The following NSD1 variants were observed in gnomAD, a reference collection of about 807,000 sequenced individuals.
The protein encoded by NSD1 is histone-lysine N-methyltransferase, H3 lysine-36 specific.
NSD1 carries 26 observed loss-of-function variants against 242.7 expected under a neutral mutation model. The ratio of observed to expected loss-of-function variants is 0.11; its 90% CI spans 0.08 to 0.15. The LOEUF is 0.15. Ranked by LOEUF, NSD1 falls within the 10% of genes least tolerant of loss-of-function variation. NSD1 has a pLI of 1.00. For missense variants in NSD1, 2,495 were observed against 3,272.8 expected, an observed-to-expected ratio of 0.76 and a Z score of 5.80; for synonymous variants, 1,106 against 1,178.1, an observed-to-expected ratio of 0.94 and a Z score of 1.25.
At chr5:177,144,956 G>A (rs1184086481) in intron 2 of NSD1, among the ~76,000 whole-genome samples, 3 of 151,730 alleles carry the variant, frequency 2.0e-5, no homozygotes, top group Non-Finnish European at 2.9e-5. Flanking sequence ...GTGGTGGCAC[G>A]TGCCTGTAGT....
chr5:177,259,560 G>A lies in NSD1; in HGVS notation c.4967-429G>A, dbSNP rs541284178. ...CATTAGAGGGTTTGGTGGTGGTTTCGTGATGGTTTATAATAGATGAAGTAT... is the reference window on the plus strand; with the variant it reads ...CATTAGAGGGTTTGGTGGTGGTTTCATGATGGTTTATAATAGATGAAGTAT... On this transcript the variant is annotated intron_variant, in intron 13 of 22. Coordinates refer to ENST00000439151, the MANE Select transcript of NSD1 (RefSeq NM_022455.5). 1.1e-4 allele frequency among the ~76,000 whole-genome samples: 16 copies of A among 152,298 alleles called. No homozygotes were observed. In the South Asian group the frequency reaches 2.3e-3, roughly 22 times the overall value.
chr5:177,294,428 C>A lies in NSD1; in HGVS notation c.7060C>A (p.Leu2354Met). ...SVRSQPLERP[L>M]GTADPRLDKS... Reference sequence around the variant, plus strand: ...CAGGTCCCAACCACTGGAAAGACCTCTGGGGACGGCTGACCCAAGGCTGGA... The same window carrying A: ...CAGGTCCCAACCACTGGAAAGACCTATGGGGACGGCTGACCCAAGGCTGGA... The change falls in exon 23 of 23, where the codon CTG (leucine) becomes ATG (methionine). Residue 2354 changes from leucine (L) to methionine (M), a missense_variant. Physicochemically the swap from Leu to Met is conservative, Grantham distance 15. Transcript: ENST00000439151. 1 of 1,614,196 alleles carries A rather than the reference C, an allele frequency of 6.2e-7. No individual in the cohort carries two copies. Among genetic ancestry groups the A allele is most frequent in the South Asian group, 1.1e-5 (1 of 91,076 alleles).
intron 2 of NSD1, among the ~76,000 whole-genome samples, chr5:177,141,829 T>G (rs1316813140): frequency 6.6e-6 from 1 of 152,118 alleles, no homozygotes; most frequent in Non-Finnish European, 1.5e-5. Flanking sequence ...AATGTAATAT[T>G]ATTTCCTTTT....
chr5:177,248,217 A>C lies in NSD1; in HGVS notation c.4534A>C (p.Lys1512Gln). Reference protein sequence around the residue: ...LMPHRTATSPKETVEEGVEHD... With the variant: ...LMPHRTATSPQETVEEGVEHD... ...GCCTCACAGGACGGCCACAAGCCCC[A>C]AGGAGACTGTTGAGGAAGGTGTAGA... is the stretch of plus-strand genomic sequence containing the variant. Residue 1512 changes from lysine to glutamine, a missense_variant, in exon 11 of 23, where the codon AAG becomes CAG. By Grantham distance (53) the Lys-to-Gln change is moderately conservative. Transcript: ENST00000439151. The C allele has an allele frequency of 6.2e-7, 1 of 1,614,158 alleles. No individual in the cohort carries two copies. The highest frequency in any genetic ancestry group is 8.5e-7 in the Non-Finnish European group (1 of 1,180,028).
chr5:177,268,106 T>C (rs995549489), intron 15 of NSD1, among the ~76,000 whole-genome samples: 6 of 151,730 alleles, frequency 4.0e-5, no homozygotes, highest in African/African-American at 1.5e-4. Flanking sequence ...TACTCTGTTA[T>C]GTGTCTTGGG....
In NSD1 at chr5:177,212,211, T is replaced by A. The variant is rs746816707; in HGVS notation, c.3796+16T>A. 2 of 1,602,852 alleles carry A rather than the reference T, an allele frequency of 1.2e-6. No individual in the cohort carries two copies. The highest frequency in any genetic ancestry group is 1.1e-5 in the South Asian group (1 of 90,004). ...CCTGAACCAGGTAAGGACATCTAAA[T>A]GTGATAAAAAAAAAAAAATTGGAGA... is the stretch of plus-strand genomic sequence containing the variant. On this transcript the variant is annotated intron_variant, in intron 5 of 22. Transcript: ENST00000439151.
At chr5:177,173,551 G>A (rs550520337) in intron 2 of NSD1, among the ~76,000 whole-genome samples, 65 of 124,846 alleles carry the variant, frequency 5.2e-4, no homozygotes, top group African/African-American at 1.9e-3. Flanking sequence ...TCGGCTCACC[G>A]CAACCTCTGC....
chr5:177,223,427 G>A (rs1764395021), intron 5 of NSD1, among the ~76,000 whole-genome samples: 1 of 151,946 alleles, frequency 6.6e-6, no homozygotes, highest in Non-Finnish European at 1.5e-5. Flanking sequence ...ACAAAAATTA[G>A]CCGGATGTGG....
At chr5:177,244,039 T>C (rs182494059) in intron 8 of NSD1, among the ~76,000 whole-genome samples, 156 bp from the exon 9 acceptor site, 9 of 152,300 alleles carry the variant, frequency 5.9e-5, no homozygotes, top group African/African-American at 2.2e-4. Context: ...GAAGTTTCCG[T>C]TCAACCCTTT....
At chr5:177,277,026 G>A (rs1758447824) in intron 17 of NSD1, among the ~76,000 whole-genome samples, 1 of 152,122 alleles carries the variant, frequency 6.6e-6, no homozygotes, top group Non-Finnish European at 1.5e-5. Context: ...TAACAGCAAG[G>A]TAGGCATTTT....
intron 2 of NSD1, among the ~76,000 whole-genome samples, chr5:177,191,210 T>G (rs996960983): frequency 1.3e-5 from 2 of 151,816 alleles, no homozygotes; most frequent in African/African-American, 4.8e-5. Flanking sequence ...CCTCAGGTGA[T>G]CCACCTGCCT....
rs1303055463 is a variant in NSD1 at position 177,295,736 on chromosome 5, GAAATA to G, written c.*281_*285del. 1 of 539,092 alleles carries G rather than the reference GAAATA, an allele frequency of 1.9e-6. No homozygotes were observed. Among genetic ancestry groups the G allele is most frequent in the Non-Finnish European group, 3.3e-6 (1 of 299,624 alleles). The allele number at this position is 539,092 out of a possible 1,614,324, so 33.4% of individuals were successfully genotyped here. ...CCCAACTTTTCCACATGGTCATCGT[GAAATA>G]AAAAGTCCACTCTGGAGTCAAGTAT... On this transcript the variant is annotated 3_prime_UTR_variant, in exon 23 of 23. Transcript: ENST00000439151. The surrounding 1 kb of genome is among the most constrained non-coding windows in gnomAD (Gnocchi z 4.3).
intron 14 of NSD1, chr5:177,266,193 G>A: frequency 9.7e-7 from 1 of 1,031,536 alleles, no homozygotes; most frequent in Non-Finnish European, 1.5e-6. Context: ...AGAAGAGGCA[G>A]TTAGCCCATC....
Position 177,181,312 on chromosome 5 carries a change from G to A in NSD1, c.928-10572G>A, listed in dbSNP as rs1279880591. The stretch of plus-strand genomic sequence containing the variant: ...CAGAAAACACCCAAAAAGAGAGAAA[G>A]AAGCTCTACTGTGCATAAAATACTA... On this transcript the variant is annotated intron_variant, in intron 2 of 22. Transcript: ENST00000439151. Among the ~76,000 whole-genome samples, 5 of 151,650 alleles carry A rather than the reference G, an allele frequency of 3.3e-5. No individual in the cohort carries two copies. In the East Asian group the frequency reaches 9.7e-4, roughly 29 times the overall value.
chr5:177,285,983 C>A (rs1212647770), intron 20 of NSD1, among the ~76,000 whole-genome samples: 1 of 152,074 alleles, frequency 6.6e-6, no homozygotes, highest in African/African-American at 2.4e-5. Context: ...GCAACCTCCA[C>A]CTCGCGGGTT....
At chr5:177,176,833 G>T (rs1308955132) in intron 2 of NSD1, among the ~76,000 whole-genome samples, 1 of 152,122 alleles carries the variant, frequency 6.6e-6, no homozygotes, top group African/African-American at 2.4e-5. Flanking sequence ...CCAGATTCCA[G>T]GTCCAACTTC....
chr5:177,208,212 C>T (rs917608285), intron 4 of NSD1, among the ~76,000 whole-genome samples: 15 of 152,136 alleles, frequency 9.9e-5, no homozygotes, highest in African/African-American at 3.4e-4. Context: ...AGCTGTATTT[C>T]AGAGTCTCAA....
intron 2 of NSD1, among the ~76,000 whole-genome samples, chr5:177,140,297 A>C (rs892567857): frequency 1.1e-4 from 17 of 152,184 alleles, no homozygotes; most frequent in African/African-American, 4.1e-4. Context: ...TGGAGAATTA[A>C]ATGAGCATGG....
intron 9 of NSD1, among the ~76,000 whole-genome samples, chr5:177,245,904 T>C (rs1377249722): frequency 6.6e-6 from 1 of 152,104 alleles, no homozygotes; most frequent in East Asian, 1.9e-4. Flanking sequence ...CCCAAAGTGC[T>C]GGGATTACAG....
Sources: gnomAD v4.1 joint callset for allele counts (sites outside exome capture counted in the v4.1 genomes callset) on GRCh38, gnomAD v4.1.1 for gene constraint, Gnocchi (gnomAD v3.1) non-coding constraint, MANE v1.5 for transcripts, NCBI Gene and HGNC (gene_info 2026-07-23, HGNC 2026-07-21) for gene names.